The following ARHGAP17 variants were observed in gnomAD, a reference collection of about 807,000 sequenced individuals.
ARHGAP17 encodes rho GTPase-activating protein 17.
ARHGAP17 carries 57 observed loss-of-function variants against 99.5 expected under a neutral mutation model. That is an observed-to-expected ratio of 0.57 (90% confidence interval 0.46 to 0.71). ARHGAP17 has a LOEUF of 0.71. Among genes scored for constraint, ARHGAP17 ranks in the 30% least tolerant of loss-of-function variants. The pLI, the probability that ARHGAP17 is intolerant of heterozygous loss-of-function variation, is 0.00. For missense variants in ARHGAP17, 1,000 were observed against 1,122.4 expected (o/e 0.89, Z 1.56); for synonymous variants, 417 against 429.6 (o/e 0.97, Z 0.36).
chr16:24,967,027 T>C (rs1246449180), intron 6 of ARHGAP17, among the ~76,000 whole-genome samples: 1 of 152,224 alleles, frequency 6.6e-6, no homozygotes, highest in Admixed American at 6.5e-5. Context: ...ACCTAATTGA[T>C]ATCAGTTGAA....
chr16:24,955,364 A>G lies in ARHGAP17; in HGVS notation c.725-634T>C, dbSNP rs1351015045. Reference sequence around the variant, plus strand: ...AAAGAAATGCAGCATCTGCAGCCCTAAAGCAGCTGAAGGCTATGCTGATGG... The same window carrying G: ...AAAGAAATGCAGCATCTGCAGCCCTGAAGCAGCTGAAGGCTATGCTGATGG... On this transcript the variant is annotated intron_variant, in intron 9 of 19. Transcript: ENST00000289968. This position sits in a 1 kb window ranked among gnomAD's most constrained non-coding sequence, Gnocchi z 4.0. 2.0e-5 allele frequency: 3 copies of G among 152,248 alleles called. No homozygotes were observed. Among genetic ancestry groups the G allele is most frequent in the African/African-American group, 7.2e-5 (3 of 41,468 alleles). The allele number at this position is 152,248 out of a possible 1,614,324, so 9.4% of individuals were successfully genotyped here.
At chr16:25,006,311 A>C (rs898567009) in intron 1 of ARHGAP17, among the ~76,000 whole-genome samples, 9 of 151,782 alleles carry the variant, frequency 5.9e-5, no homozygotes, top group African/African-American at 2.2e-4. Flanking sequence ...TTAGCCGGAC[A>C]TGGTGGTGTG....
rs1159393752 is a variant in ARHGAP17, at chr16:24,974,372, G to A, written c.198+2843C>T. Among the ~76,000 whole-genome samples, 4 of 152,284 alleles carry A rather than the reference G, an allele frequency of 2.6e-5. No individual in the cohort carries two copies. In the East Asian group the frequency reaches 7.7e-4, roughly 29 times the overall value. ...TTTGAACCGGGTGGTGGAGGATGCAGTGAGCCGGGATCAACCACTGCGCTC... is the reference window on the plus strand; with the variant it reads ...TTTGAACCGGGTGGTGGAGGATGCAATGAGCCGGGATCAACCACTGCGCTC... On this transcript the variant is annotated intron_variant, in intron 3 of 19. Transcript: ENST00000289968.
chr16:24,947,615 G>T lies in ARHGAP17; in HGVS notation c.1128-20C>A, dbSNP rs371140474. ...AAATATCTAGGGGTCAAAAGAGAAG[G>T]GGAGGGTTTCTCCTCTGAAATAGCT... On this transcript the variant is annotated intron_variant, in intron 13 of 19. Transcript: ENST00000289968. 3.2e-6 allele frequency: 5 copies of T among 1,587,090 alleles called. No homozygotes were observed. In the African/African-American group the frequency reaches 6.7e-5, roughly 21 times the overall value.
intron 18 of ARHGAP17, among the ~76,000 whole-genome samples, chr16:24,934,318 T>A (rs1431703550): frequency 1.3e-5 from 2 of 151,322 alleles, no homozygotes; most frequent in Non-Finnish European, 2.9e-5. Flanking sequence ...GCAAGCACCA[T>A]GCCCGGCTAA....
chr16:24,969,284 A>G (rs187483622), intron 4 of ARHGAP17, among the ~76,000 whole-genome samples: 1 of 150,838 alleles, frequency 6.6e-6, no homozygotes, highest in African/African-American at 2.4e-5. Flanking sequence ...ACGTGCAGTG[A>G]TATAACTCCA....
intron 3 of ARHGAP17, among the ~76,000 whole-genome samples, chr16:24,974,340 A>G (rs2052454305): frequency 6.6e-6 from 1 of 152,156 alleles, no homozygotes; most frequent in Admixed American, 6.5e-5. Context: ...CTGAGGTGGG[A>G]GAATCGTTTG....
rs201903738 is a variant in ARHGAP17, at chr16:24,930,752, C to T, written c.2515+32G>A. 75 of 1,614,146 alleles carry T rather than the reference C, an allele frequency of 4.6e-5. No individual in the cohort carries two copies. The African/African-American group carries it at 6.0e-4, about 13-fold the overall frequency. On this transcript the variant is annotated intron_variant, in intron 19 of 19. Coordinates refer to ENST00000289968, the MANE Select transcript of ARHGAP17 (RefSeq NM_001006634.3). Reference sequence around the variant, plus strand: ...TAGTACAAAAGCAATGTAGAGCAGACGAGGAAATACGGGCATTGATGTCCT... The same window carrying T: ...TAGTACAAAAGCAATGTAGAGCAGATGAGGAAATACGGGCATTGATGTCCT...
chr16:25,015,177 G>A (rs1488093538), intron 1 of ARHGAP17, 32 bp downstream of exon 1: 7 of 1,253,070 alleles, frequency 5.6e-6, no homozygotes, highest in African/African-American at 3.4e-5. Flanking sequence ...CCCCAGCCCC[G>A]GTGCGACCCC....
chr16:25,011,710 A>T (rs1431224698), intron 1 of ARHGAP17, among the ~76,000 whole-genome samples: 1 of 152,188 alleles, frequency 6.6e-6, no homozygotes, highest in African/African-American at 2.4e-5. Flanking sequence ...AAAAAAAAAA[A>T]AAAGAGTGGA....
chr16:24,972,083 C>G (rs2052382769), intron 3 of ARHGAP17, among the ~76,000 whole-genome samples: 1 of 152,244 alleles, frequency 6.6e-6, no homozygotes. Flanking sequence ...AACACAGGGT[C>G]CACCCCTGAC....
intron 19 of ARHGAP17, among the ~76,000 whole-genome samples, chr16:24,923,201 T>C (rs944627425): frequency 3.9e-5 from 6 of 152,172 alleles, no homozygotes; most frequent in Non-Finnish European, 7.4e-5. Context: ...CGCATTACAT[T>C]TTCCCTCCTC....
intron 18 of ARHGAP17, 62 bp downstream of exon 18, chr16:24,935,408 G>A: frequency 6.7e-7 from 1 of 1,496,006 alleles, no homozygotes; most frequent in Non-Finnish European, 9.0e-7. Flanking sequence ...CTGAATCCTT[G>A]CACTAACTTA....
At chr16:24,968,222 C>A in intron 6 of ARHGAP17, 129 bp downstream of exon 6, 1 of 987,444 alleles carries the variant, frequency 1.0e-6, no homozygotes, top group Non-Finnish European at 1.6e-6. Context: ...GAGGTGCTGG[C>A]AGGCTGGCAC....
intron 6 of ARHGAP17, 74 bp from the exon 7 acceptor site, chr16:24,964,382 G>C: frequency 1.0e-6 from 1 of 995,252 alleles, no homozygotes; most frequent in Non-Finnish European, 1.5e-6. Context: ...GGACCTGGTG[G>C]AGATAGATCC....
At chr16:24,986,447 A>C (rs1249486634) in intron 1 of ARHGAP17, among the ~76,000 whole-genome samples, 1 of 152,202 alleles carries the variant, frequency 6.6e-6, no homozygotes, top group Non-Finnish European at 1.5e-5. Flanking sequence ...TATGTTCAGA[A>C]AGCTCAGAAG....
At chr16:25,000,810 C>A (rs1422050460) in intron 1 of ARHGAP17, among the ~76,000 whole-genome samples, 3 of 152,192 alleles carry the variant, frequency 2.0e-5, no homozygotes, top group Non-Finnish European at 4.4e-5. Context: ...TTGTTTTCTC[C>A]ATATAGTTGG....
intron 1 of ARHGAP17, among the ~76,000 whole-genome samples, chr16:24,983,801 A>G (rs926147674): frequency 3.3e-5 from 5 of 152,210 alleles, no homozygotes; most frequent in Non-Finnish European, 7.3e-5. Context: ...GTTTTTTCCT[A>G]TGAAGCTATT....
At chr16:24,963,040 C>T (rs1470708025) in intron 7 of ARHGAP17, among the ~76,000 whole-genome samples, 3 of 152,162 alleles carry the variant, frequency 2.0e-5, no homozygotes. Flanking sequence ...AGAGAACAGA[C>T]ATCAGCCCAT....
Sources: allele counts gnomAD v4.1 joint callset (sites outside exome capture counted in the v4.1 genomes callset), GRCh38; gene constraint gnomAD v4.1.1; non-coding constraint Gnocchi (gnomAD v3.1); transcripts MANE v1.5; gene names NCBI Gene and HGNC (gene_info 2026-07-23, HGNC 2026-07-21).